EML1: variants seen among roughly 807,000 people sequenced by gnomAD.
EML1 encodes EMAP like 1.
In EML1, 27 loss-of-function variants were observed where a neutral mutation model predicts 110.4. That is an observed-to-expected ratio of 0.24 (90% CI 0.18 to 0.34). The LOEUF is 0.34. EML1 is among the 10% of genes least tolerant of loss of function. EML1 has a pLI of 1.00. For missense variants in EML1, 741 were observed against 1,030.9 expected (o/e 0.72, Z 3.85); for synonymous variants, 344 against 385.8 (o/e 0.89, Z 1.27).
At chr14:99,908,841 T>G (rs1475328332) in intron 10 of EML1, among the ~76,000 whole-genome samples, 1 of 152,096 alleles carries the variant, frequency 6.6e-6, no homozygotes, top group Non-Finnish European at 1.5e-5. Context: ...CCACGAACAA[T>G]GGACCTTTGT....
rs2060471134 is a variant in EML1, at chr14:99,936,355, G to A, written c.2095+21G>A. ...CTACTGTGAGTACCACCCCGGGGTT[G>A]TATGAAGTCTCGATCTCAGAAAGCG... On this transcript the variant is annotated intron_variant, in intron 19 of 21. Coordinates refer to ENST00000262233, the MANE Select transcript of EML1 (RefSeq NM_004434.3). This position sits in a 1 kb window ranked among gnomAD's most constrained non-coding sequence, Gnocchi z 5.5. The A allele has an allele frequency of 6.2e-7, 1 of 1,607,784 alleles. No homozygotes were observed. Among genetic ancestry groups the A allele is most frequent in the East Asian group, 2.2e-5 (1 of 44,864 alleles).
chr14:99,752,606 C>A (rs560803676), intron 1 of EML1, among the ~76,000 whole-genome samples: 1 of 152,308 alleles, frequency 6.6e-6, no homozygotes, highest in East Asian at 1.9e-4. Context: ...GGAGAGGGTG[C>A]TGTCCCAGGG....
chr14:99,923,566 A>G (rs2060168411), intron 17 of EML1, among the ~76,000 whole-genome samples: 1 of 152,268 alleles, frequency 6.6e-6, no homozygotes, highest in African/African-American at 2.4e-5. Flanking sequence ...TCCCTGTTGA[A>G]TTATCAATGA....
intron 1 of EML1, among the ~76,000 whole-genome samples, chr14:99,810,325 T>C (rs1190413474): frequency 2.0e-5 from 3 of 152,206 alleles, no homozygotes; most frequent in Non-Finnish European, 2.9e-5. Context: ...AACAGGAATT[T>C]ATGTATCTGC....
At chr14:99,774,677 TG>T (rs2057462986) in intron 1 of EML1, among the ~76,000 whole-genome samples, 1 of 152,210 alleles carries the variant, frequency 6.6e-6, no homozygotes, top group African/African-American at 2.4e-5. Flanking sequence ...TTTGCACCCT[TG>T]GGCGGATGCC....
Position 99,740,922 on chromosome 14 carries a change from G to A in EML1, c.28+3062G>A, listed in dbSNP as rs970685294. On this transcript the variant is annotated intron_variant, in intron 1 of 10. Coordinates refer to the EML1 transcript ENST00000554479. ...TTGACCTTGTGATTTACCCATCTCCGTCCTGGCCAGAATCTGCAGGAAGAG... is the reference window on the plus strand; with the variant it reads ...TTGACCTTGTGATTTACCCATCTCCATCCTGGCCAGAATCTGCAGGAAGAG... 9.2e-5 allele frequency among the ~76,000 whole-genome samples: 14 copies of A among 152,154 alleles called. No individual in the cohort carries two copies. In the East Asian group the frequency reaches 9.6e-4, roughly 10 times the overall value.
At chr14:99,790,450 ACCTCAG>A (rs1191680192), upstream of EML1, among the ~76,000 whole-genome samples, 1 of 151,992 alleles carries the variant, frequency 6.6e-6, no homozygotes, top group Non-Finnish European at 1.5e-5. Context: ...TCGTCCTCGC[ACCTCAG>A]CCTCCCAAAT....
intron 19 of EML1, 48 bp from the exon 20 acceptor site, chr14:99,937,769 G>T: frequency 1.3e-6 from 2 of 1,557,086 alleles, no homozygotes; most frequent in South Asian, 1.1e-5. Flanking sequence ...GCTTAGGGGA[G>T]GGGTGGGGCC....
chr14:99,907,807 C>G (rs2059878809), intron 10 of EML1, 74 bp downstream of exon 10: 2 of 1,430,752 alleles, frequency 1.4e-6, no homozygotes, highest in African/African-American at 1.4e-5. Context: ...GTGGTAGCCC[C>G]CTTTCAGCGG....
At chr14:99,938,600 CAA>C (rs1225000586) in intron 20 of EML1, among the ~76,000 whole-genome samples, 1 of 151,886 alleles carries the variant, frequency 6.6e-6, no homozygotes, top group Non-Finnish European at 1.5e-5. Flanking sequence ...GCTCACCCGA[CAA>C]TGGTCAGAAG....
chr14:99,829,320 G>A (rs1435222833), intron 1 of EML1, among the ~76,000 whole-genome samples: 1 of 152,130 alleles, frequency 6.6e-6, no homozygotes, highest in Non-Finnish European at 1.5e-5. Context: ...ATGAGTGACA[G>A]CATCTGTCCC....
At chr14:99,759,978 G>T (rs2057296916) in intron 1 of EML1, among the ~76,000 whole-genome samples, 1 of 150,810 alleles carries the variant, frequency 6.6e-6, no homozygotes, top group Admixed American at 6.6e-5. Context: ...GTGGTGGCGG[G>T]TGCCTGTAAT....
intron 1 of EML1, among the ~76,000 whole-genome samples, chr14:99,748,081 C>T (rs564163499): frequency 1.3e-4 from 20 of 152,266 alleles, no homozygotes; most frequent in East Asian, 7.7e-4. Context: ...AGGCGGAATT[C>T]GCCCGGGATG....
chr14:99,887,019 G>T (rs1005013548), intron 4 of EML1, among the ~76,000 whole-genome samples: 4 of 152,224 alleles, frequency 2.6e-5, no homozygotes, highest in Admixed American at 1.3e-4. Flanking sequence ...GACCGCACTG[G>T]TGTCTGTTGG....
At chr14:99,884,750 G>A (rs1056437772) in intron 4 of EML1, among the ~76,000 whole-genome samples, 2 of 152,132 alleles carry the variant, frequency 1.3e-5, no homozygotes, top group South Asian at 2.1e-4. Context: ...AAGCAAATTC[G>A]TAGCTTAATG....
intron 1 of EML1, among the ~76,000 whole-genome samples, chr14:99,831,798 C>T (rs2139776698): frequency 6.6e-6 from 1 of 151,688 alleles, no homozygotes; most frequent in East Asian, 1.9e-4. Context: ...TTGCTGAAAT[C>T]ATTAACAAAT....
chr14:99,852,336 T>C (rs1210085409), intron 2 of EML1, among the ~76,000 whole-genome samples: 1 of 152,200 alleles, frequency 6.6e-6, no homozygotes, highest in African/African-American at 2.4e-5. Context: ...TTTCATTGGC[T>C]GGGCACAGTG....
At chr14:99,745,635 G>T (rs2057099612) in intron 1 of EML1, among the ~76,000 whole-genome samples, 1 of 152,180 alleles carries the variant, frequency 6.6e-6, no homozygotes, top group Non-Finnish European at 1.5e-5. Context: ...AGCTCCGTTT[G>T]GGGGGTCAGA....
intron 2 of EML1, 33 bp from the exon 3 acceptor site, chr14:99,865,481 A>G: frequency 2.5e-6 from 4 of 1,612,268 alleles, no homozygotes; most frequent in Non-Finnish European, 3.4e-6. Context: ...GCAAAGGGGA[A>G]CTTTCTGATA....
Sources: allele counts gnomAD v4.1 joint callset (sites outside exome capture counted in the v4.1 genomes callset), GRCh38; gene constraint gnomAD v4.1.1; non-coding constraint Gnocchi (gnomAD v3.1); transcripts MANE v1.5; gene names NCBI Gene and HGNC (gene_info 2026-07-23, HGNC 2026-07-21).